Variants in GRID2 observed in about 807,000 individuals in gnomAD.
GRID2 encodes the protein glutamate ionotropic receptor delta type subunit 2.
A neutral mutation model predicts 114.8 loss-of-function variants in GRID2; 33 were observed. The observed-to-expected ratio is 0.29, with a 90% CI of 0.22 to 0.38. GRID2 has a LOEUF of 0.38. Among genes scored for constraint, GRID2 ranks in the 10% least tolerant of loss-of-function variants. The pLI, the probability that GRID2 is intolerant of heterozygous loss-of-function variation, is 1.00. For synonymous variants in GRID2, 505 were observed against 449.9 expected, an observed-to-expected ratio of 1.12 and a Z score of -1.55; for missense variants, 1,184 against 1,257.7, an observed-to-expected ratio of 0.94 and a Z score of 0.89.
intron 13 of GRID2, among the ~76,000 whole-genome samples, chr4:93,541,608 G>C (rs2149528059): frequency 7.4e-6 from 1 of 134,396 alleles, no homozygotes; most frequent in East Asian, 1.9e-4. Context: ...GTCATTTACA[G>C]ACTCTCATGC....
chr4:93,319,982 G>T (rs1378092004), intron 8 of GRID2, among the ~76,000 whole-genome samples: 2 of 152,060 alleles, frequency 1.3e-5, no homozygotes, highest in African/African-American at 4.8e-5. Context: ...TAACAAATCG[G>T]TATTGTTATA....
At chr4:93,371,106 A>G (rs1049484685) in intron 8 of GRID2, among the ~76,000 whole-genome samples, 1 of 152,202 alleles carries the variant, frequency 6.6e-6, no homozygotes, top group African/African-American at 2.4e-5. Flanking sequence ...GCACTGCACA[A>G]AGGCTAAAAA....
chr4:93,318,551 C>T (rs939841282), intron 8 of GRID2: 5 of 152,020 alleles, frequency 3.3e-5, no homozygotes, highest in Non-Finnish European at 7.4e-5. Flanking sequence ...AATTAAACCT[C>T]GAAAGCCAAA....
At chr4:93,685,612 A>G (rs1001650615) in intron 14 of GRID2, among the ~76,000 whole-genome samples, 3 of 152,074 alleles carry the variant, frequency 2.0e-5, no homozygotes, top group Non-Finnish European at 4.4e-5. Context: ...TTAGTTAGCA[A>G]TGGTGATATT....
Position 92,619,669 on chromosome 4 carries a change from T to C in GRID2, c.244+29383T>C, listed in dbSNP as rs1019839612. Among the ~76,000 whole-genome samples the C allele has an allele frequency of 2.6e-5, 4 of 151,762 alleles. No homozygotes were observed. In the East Asian group the frequency reaches 7.8e-4, roughly 29 times the overall value. The stretch of plus-strand genomic sequence containing the variant: ...TATGGCTTTCAATGCCATGCTAAAA[T>C]TCAGTGTCATGCTAAAATGACACAG... On this transcript the variant is annotated intron_variant, in intron 2 of 15. Transcript: ENST00000282020.
chr4:92,456,796 TATG>T (rs1246125212), intron 1 of GRID2, among the ~76,000 whole-genome samples: 2 of 152,158 alleles, frequency 1.3e-5, no homozygotes, highest in Non-Finnish European at 2.9e-5. Flanking sequence ...CCTGGCATGC[TATG>T]ATAACAACTT....
chr4:92,805,289 A>G (rs1318952620), intron 2 of GRID2, among the ~76,000 whole-genome samples: 1 of 151,886 alleles, frequency 6.6e-6, no homozygotes, highest in African/African-American at 2.4e-5. Flanking sequence ...AGTTATTTTA[A>G]TAACATAAAT....
At chr4:92,656,261 T>C (rs1560514915) in intron 2 of GRID2, among the ~76,000 whole-genome samples, 1 of 151,756 alleles carries the variant, frequency 6.6e-6, no homozygotes, top group Non-Finnish European at 1.5e-5. Context: ...GGTGATATCT[T>C]ATTATGGCTT....
chr4:93,438,227 A>C (rs964871391), intron 10 of GRID2, among the ~76,000 whole-genome samples: 1 of 152,126 alleles, frequency 6.6e-6, no homozygotes, highest in Non-Finnish European at 1.5e-5. Flanking sequence ...ACAAATGTGT[A>C]GATAAATAAT....
At chr4:93,637,835 T>C (rs1721552074) in intron 14 of GRID2, among the ~76,000 whole-genome samples, 1 of 152,192 alleles carries the variant, frequency 6.6e-6, no homozygotes, top group South Asian at 2.1e-4. Context: ...CATTACATTT[T>C]AATTGGTGGA....
At position 93,173,279 on chromosome 4, in the gene GRID2, C is replaced by T. The variant is rs544060655; in HGVS notation, c.736-34125C>T. 6.4e-4 allele frequency among the ~76,000 whole-genome samples: 98 copies of T among 152,064 alleles called. 1 individual carries two copies. The highest frequency in any genetic ancestry group is 1.8e-3 in the African/African-American group (76 of 41,508). On this transcript the variant is annotated intron_variant, in intron 4 of 15. Transcript: ENST00000282020. ...AAAGTGGAAAAAAACAGTCTTTTTT[C>T]CCATTTTTAAGCACCATTTTTAAGA...
intron 10 of GRID2, among the ~76,000 whole-genome samples, chr4:93,436,735 T>G (rs1235353097): frequency 6.6e-6 from 1 of 152,122 alleles, no homozygotes; most frequent in African/African-American, 2.4e-5. Flanking sequence ...AGTGTAATGG[T>G]GACTTGTTTG....
At chr4:93,775,975 C>A (rs921029106), downstream of GRID2, among the ~76,000 whole-genome samples, 2 of 152,190 alleles carry the variant, frequency 1.3e-5, no homozygotes, top group Admixed American at 6.5e-5. Context: ...ATTTACCCTG[C>A]ATGATACTTC....
chr4:93,604,016 C>G (rs777701653), intron 13 of GRID2, among the ~76,000 whole-genome samples: 1 of 152,174 alleles, frequency 6.6e-6, no homozygotes, highest in African/African-American at 2.4e-5. Context: ...TTCTGCAGCC[C>G]ATAGATCAAG....
intron 1 of GRID2, among the ~76,000 whole-genome samples, chr4:92,582,255 A>T (rs1446559920): frequency 6.6e-6 from 1 of 151,910 alleles, no homozygotes; most frequent in Admixed American, 6.6e-5. Context: ...TCGTCACTAA[A>T]GTAAGCAACA....
intron 14 of GRID2, among the ~76,000 whole-genome samples, chr4:93,631,261 CA>C (rs1720830506): frequency 6.6e-6 from 1 of 151,690 alleles, no homozygotes; most frequent in Non-Finnish European, 1.5e-5. Flanking sequence ...TACATGTGCA[CA>C]ACGTGCAGGT....
At chr4:92,352,823 C>T (rs1728137019) in intron 1 of GRID2, among the ~76,000 whole-genome samples, 1 of 151,768 alleles carries the variant, frequency 6.6e-6, no homozygotes, top group African/African-American at 2.4e-5. Context: ...AACACTTTTG[C>T]TTTTAACAGA....
chr4:92,860,916 T>C (rs1213797001), intron 2 of GRID2, among the ~76,000 whole-genome samples: 2 of 152,102 alleles, frequency 1.3e-5, no homozygotes, highest in East Asian at 3.9e-4. Context: ...GCTAATAGTT[T>C]AGGAAGGTGT....
At chr4:93,129,585 T>C (rs1407522775) in intron 4 of GRID2, among the ~76,000 whole-genome samples, 1 of 152,164 alleles carries the variant, frequency 6.6e-6, no homozygotes, top group South Asian at 2.1e-4. Context: ...GCCTACTTAA[T>C]ACAGTAAAAT....
Sources: allele counts gnomAD v4.1 joint callset (sites outside exome capture counted in the v4.1 genomes callset), GRCh38; gene constraint gnomAD v4.1.1; transcripts MANE v1.5; gene names NCBI Gene and HGNC (gene_info 2026-07-23, HGNC 2026-07-21).